DLG2: variants seen among roughly 807,000 people sequenced by gnomAD.
DLG2 encodes the protein discs large MAGUK scaffold protein 2, also known as disks large homolog 2.
In DLG2, 45 loss-of-function variants were observed where a neutral mutation model predicts 132.5. That is an observed-to-expected ratio of 0.34 (90% CI 0.27 to 0.44). DLG2 has a LOEUF of 0.44. Among genes scored for constraint, DLG2 ranks in the 20% least tolerant of loss-of-function variants. DLG2 has a pLI of 1.00. For missense variants in DLG2, 1,045 were observed against 1,196.9 expected (o/e 0.87, Z 1.87); for synonymous variants, 424 against 419.6 (o/e 1.01, Z -0.13).
At chr11:84,373,001 C>G (rs753142372) in intron 7 of DLG2, among the ~76,000 whole-genome samples, 2 of 151,512 alleles carry the variant, frequency 1.3e-5, no homozygotes, top group Non-Finnish European at 2.9e-5. Flanking sequence ...GAATAATGAA[C>G]TTAACTAATA....
chr11:84,940,353 AT>A (rs1356616621), intron 6 of DLG2, among the ~76,000 whole-genome samples: 1 of 152,076 alleles, frequency 6.6e-6, no homozygotes, highest in African/African-American at 2.4e-5. Context: ...GGGTTTCATC[AT>A]TTTGGCCAGG....
chr11:85,468,221 G>T (rs1420495980), intron 3 of DLG2, among the ~76,000 whole-genome samples: 3 of 150,442 alleles, frequency 2.0e-5, no homozygotes, highest in African/African-American at 4.9e-5. Context: ...TATTAGTCTT[G>T]CTAGCAGGCT....
intron 11 of DLG2, among the ~76,000 whole-genome samples, chr11:84,032,069 G>C (rs2095711838): frequency 6.6e-6 from 1 of 152,034 alleles, no homozygotes; most frequent in African/African-American, 2.4e-5. Flanking sequence ...GTCCTTACCT[G>C]TTCTCGCTCC....
At chr11:85,062,477 C>T (rs946902772) in intron 6 of DLG2, among the ~76,000 whole-genome samples, 1 of 149,722 alleles carries the variant, frequency 6.7e-6, no homozygotes, top group Non-Finnish European at 1.5e-5. Flanking sequence ...ATTGAAAAGT[C>T]ATTAAATGCA....
intron 7 of DLG2, among the ~76,000 whole-genome samples, chr11:84,527,600 T>C (rs1163128686): frequency 6.6e-6 from 1 of 152,156 alleles, no homozygotes; most frequent in Non-Finnish European, 1.5e-5. Context: ...CACACAATAA[T>C]ATTTATCTGA....
intron 18 of DLG2, among the ~76,000 whole-genome samples, chr11:83,712,932 C>A (rs1183345772): frequency 2.6e-5 from 4 of 151,310 alleles, no homozygotes; most frequent in African/African-American, 7.3e-5. Context: ...ATGTAATAAA[C>A]CTGCGCATCC....
rs762408911 is a variant in DLG2, at chr11:83,480,371, C to T, written c.2293+3758G>A. The T allele has an allele frequency of 5.0e-5, 77 of 1,534,912 alleles. No homozygotes were observed. The Admixed American group carries it at 8.2e-4, about 16-fold the overall frequency. ...AACCGCAAACCAAAGCAGTAACTTACGGTAGCTACTTTCGCTATCGCTGGC... is the reference window on the plus strand; with the variant it reads ...AACCGCAAACCAAAGCAGTAACTTATGGTAGCTACTTTCGCTATCGCTGGC... On this transcript the variant is annotated intron_variant, in intron 22 of 27. Transcript: ENST00000376104.
intron 16 of DLG2, among the ~76,000 whole-genome samples, chr11:83,851,015 A>G (rs2059652980): frequency 6.6e-6 from 1 of 151,982 alleles, no homozygotes; most frequent in Admixed American, 6.6e-5. Context: ...TCTCTACTGA[A>G]AAATACAAAA....
At chr11:85,504,155 T>C (rs1216673915) in intron 3 of DLG2, among the ~76,000 whole-genome samples, 1 of 152,234 alleles carries the variant, frequency 6.6e-6, no homozygotes, top group African/African-American at 2.4e-5. Flanking sequence ...TCTCCCATTC[T>C]GTAGGTTGCC....
chr11:85,342,336 G>A (rs1265592632), intron 3 of DLG2, among the ~76,000 whole-genome samples: 1 of 149,338 alleles, frequency 6.7e-6, no homozygotes. Flanking sequence ...AACTTTTTTT[G>A]TTAAAAACTA....
In DLG2 at chr11:85,238,602, G is replaced by T. The variant is rs1475397399; in HGVS notation, c.186+46618C>A. 4.6e-5 allele frequency among the ~76,000 whole-genome samples: 7 copies of T among 152,054 alleles called. No homozygotes were observed. In the East Asian group the frequency reaches 1.4e-3, roughly 29 times the overall value. ...AAAATTATCAAACCATCCTTTGCTG[G>T]CATTAAATTCTCCAGCTTTAGATGC... On this transcript the variant is annotated intron_variant, in intron 4 of 27. Transcript: ENST00000376104.
chr11:84,766,008 T>C (rs995845157), intron 6 of DLG2, among the ~76,000 whole-genome samples: 10 of 152,038 alleles, frequency 6.6e-5, no homozygotes, highest in Admixed American at 2.6e-4. Flanking sequence ...ATACCTTCAG[T>C]TCACTTACAT....
intron 3 of DLG2, among the ~76,000 whole-genome samples, chr11:85,436,775 C>T (rs1355779371): frequency 1.3e-5 from 2 of 152,164 alleles, no homozygotes; most frequent in African/African-American, 4.8e-5. Flanking sequence ...ACCAGAAATA[C>T]CATTCGACCT....
chr11:84,343,916 T>A (rs2098527279), intron 7 of DLG2, among the ~76,000 whole-genome samples: 1 of 152,196 alleles, frequency 6.6e-6, no homozygotes, highest in Non-Finnish European at 1.5e-5. Flanking sequence ...TATATTTTCA[T>A]GAGAAATCAG....
intron 6 of DLG2, among the ~76,000 whole-genome samples, chr11:84,694,215 T>A (rs1257272761): frequency 1.3e-5 from 2 of 151,546 alleles, no homozygotes; most frequent in Non-Finnish European, 3.0e-5. Context: ...AGCCATTGTG[T>A]CTTCTCATCA....
At chr11:84,422,047 T>TG (rs1359313119) in intron 7 of DLG2, among the ~76,000 whole-genome samples, 14 of 152,252 alleles carry the variant, frequency 9.2e-5, no homozygotes, top group African/African-American at 3.1e-4. Flanking sequence ...TCATGCTATA[T>TG]GGTCGTCCAC....
At chr11:84,567,607 G>A (rs1455473274) in intron 6 of DLG2, among the ~76,000 whole-genome samples, 1 of 152,120 alleles carries the variant, frequency 6.6e-6, no homozygotes, top group African/African-American at 2.4e-5. Context: ...TTAGTTGTAT[G>A]CATATCTGCC....
At chr11:85,358,962 G>A (rs2083941730) in intron 3 of DLG2, among the ~76,000 whole-genome samples, 1 of 151,480 alleles carries the variant, frequency 6.6e-6, no homozygotes, top group Admixed American at 6.6e-5. Context: ...TCACTACTCT[G>A]CGCTTTATCT....
At chr11:85,486,270 C>T (rs759610338) in intron 3 of DLG2, among the ~76,000 whole-genome samples, 2 of 151,008 alleles carry the variant, frequency 1.3e-5, no homozygotes, top group Non-Finnish European at 3.0e-5. Context: ...GAGACCAGAG[C>T]AAGAGCAGTA....
Sources: allele counts gnomAD v4.1 joint callset (sites outside exome capture counted in the v4.1 genomes callset), GRCh38; gene constraint gnomAD v4.1.1; transcripts MANE v1.5; gene names NCBI Gene and HGNC (gene_info 2026-07-23, HGNC 2026-07-21).